RABGAP1: variants seen among roughly 807,000 people sequenced by gnomAD.
RABGAP1 encodes RAB GTPase activating protein 1.
In RABGAP1, 23 loss-of-function variants were observed where a neutral mutation model predicts 137.6. The ratio of observed to expected loss-of-function variants is 0.17; its 90% CI spans 0.12 to 0.24. The LOEUF is 0.24. Among genes scored for constraint, RABGAP1 ranks in the 10% least tolerant of loss-of-function variants. The probability of loss-of-function intolerance (pLI) is 1.00; values close to 1 mark genes in which losing one functional copy is unlikely to be tolerated. For synonymous variants in RABGAP1, 451 were observed against 450.7 expected (o/e 1.00, Z -0.01); for missense variants, 906 against 1,275.8 (o/e 0.71, Z 4.42).
At position 123,035,320 on chromosome 9, in the gene RABGAP1, A is replaced by G. The variant is rs762241602; in HGVS notation, c.1794+14861A>G. ...GGCCTGTCCTGATAAGCGCTATGCC[A>G]TGGTCCTGTTTCGAATCACTAGTGT... On this transcript the variant is annotated intron_variant, in intron 13 of 25. Transcript: ENST00000373647. 1.2e-5 allele frequency: 19 copies of G among 1,614,170 alleles called. No individual in the cohort carries two copies. The South Asian group carries it at 2.0e-4, about 17-fold the overall frequency.
At chr9:123,075,326 A>T (rs1250220578) in intron 17 of RABGAP1, among the ~76,000 whole-genome samples, 2 of 152,138 alleles carry the variant, frequency 1.3e-5, no homozygotes, top group Non-Finnish European at 2.9e-5. Flanking sequence ...GTGTATATTT[A>T]AAAATATGAT....
intron 4 of RABGAP1, 141 bp downstream of exon 4, chr9:122,986,560 C>T (rs1564380345): frequency 3.3e-6 from 3 of 913,128 alleles, no homozygotes; most frequent in East Asian, 5.2e-5. Flanking sequence ...ACTCATGTCT[C>T]CCAAGGACTG....
rs553847451 is a variant in RABGAP1 at position 123,104,201 on chromosome 9, T to C, written c.*988T>C. 1 of 152,720 alleles carries C rather than the reference T, an allele frequency of 6.5e-6. No homozygotes were observed. The highest frequency in any genetic ancestry group is 1.9e-4 in the East Asian group (1 of 5,176). 9.5% of individuals were successfully genotyped at this position (152,720 alleles called of 1,614,324 possible). ...CTCACTTCAAGATTCCTAGTGTTTT[T>C]GCACAACAGGTTGTCCAAGTGAGAA... On this transcript the variant is annotated 3_prime_UTR_variant, in exon 26 of 26. Transcript: ENST00000373647.
chr9:123,079,173 G>C (rs2034617871), intron 19 of RABGAP1, among the ~76,000 whole-genome samples: 1 of 145,370 alleles, frequency 6.9e-6, no homozygotes, highest in African/African-American at 2.6e-5. Context: ...CCCCTTGTTT[G>C]TTTCTTTTTT....
chr9:123,074,524 T>C, intron 17 of RABGAP1, 96 bp downstream of exon 17: 1 of 1,323,272 alleles, frequency 7.6e-7, no homozygotes, highest in South Asian at 1.6e-5. Flanking sequence ...AAAACAGAAT[T>C]GGTCTCTTTA....
intron 13 of RABGAP1, among the ~76,000 whole-genome samples, chr9:123,032,870 T>G (rs2032380451): frequency 6.6e-6 from 1 of 152,242 alleles, no homozygotes; most frequent in Non-Finnish European, 1.5e-5. Flanking sequence ...ATACAAAGGC[T>G]TATTTGTACC....
At chr9:122,965,893 G>A (rs1256527400) in intron 2 of RABGAP1, among the ~76,000 whole-genome samples, 1 of 152,202 alleles carries the variant, frequency 6.6e-6, no homozygotes, top group Non-Finnish European at 1.5e-5. Context: ...AGGGGTAAAT[G>A]TGCTCTGATT....
chr9:122,979,098 A>G (rs1404390520), intron 2 of RABGAP1, among the ~76,000 whole-genome samples: 1 of 151,780 alleles, frequency 6.6e-6, no homozygotes, highest in African/African-American at 2.4e-5. Flanking sequence ...GGGTCTCACC[A>G]TGTTGCCCAG....
At chr9:122,941,915 T>TCC (rs759122538) in intron 1 of RABGAP1, among the ~76,000 whole-genome samples, 1 of 152,252 alleles carries the variant, frequency 6.6e-6, no homozygotes, top group Non-Finnish European at 1.5e-5. Flanking sequence ...ACAAATGTCC[T>TCC]AGGAGACCGT....
At position 122,999,317 on chromosome 9, in the gene RABGAP1, G is replaced by A. The variant is rs1367019307; in HGVS notation, c.1374+551G>A. ...TCCTGCCTCAGCCTCCCGAGTAGCT[G>A]GGACTAAAGTGTATGCCAGCATGCC... On this transcript the variant is annotated intron_variant, in intron 10 of 25. Coordinates refer to ENST00000373647, the MANE Select transcript of RABGAP1 (RefSeq NM_012197.4). Among the ~76,000 whole-genome samples, 8 of 7,000 alleles carry A rather than the reference G, an allele frequency of 1.1e-3. No individual in the cohort carries two copies. The Non-Finnish European group carries it at 0.073, about 64-fold the overall frequency. The allele number at this position is 7,000 out of a possible 152,430, so 4.6% of individuals were successfully genotyped here. A position where few individuals can be genotyped will look rare whatever the true frequency, so the allele number is the denominator to read the frequency against.
chr9:122,965,576 G>A (rs980038610), intron 2 of RABGAP1, among the ~76,000 whole-genome samples: 1 of 152,112 alleles, frequency 6.6e-6, no homozygotes, highest in Admixed American at 6.5e-5. Context: ...TAAAGGTGGG[G>A]TTTCACCATG....
At chr9:123,067,606 T>C (rs1439602466) in intron 14 of RABGAP1, among the ~76,000 whole-genome samples, 1 of 152,230 alleles carries the variant, frequency 6.6e-6, no homozygotes, top group Non-Finnish European at 1.5e-5. Context: ...TGTGCTCTGG[T>C]TGATTCACTT....
intron 13 of RABGAP1, chr9:123,034,376 A>T (rs2032488929): frequency 3.5e-6 from 2 of 579,656 alleles, no homozygotes; most frequent in East Asian, 5.7e-5. Flanking sequence ...TCCTTATTCC[A>T]GGAAGGATTT....
intron 1 of RABGAP1, among the ~76,000 whole-genome samples, chr9:122,954,931 C>T (rs969646958): frequency 1.3e-5 from 2 of 152,154 alleles, no homozygotes; most frequent in Non-Finnish European, 2.9e-5. Context: ...AATTAAAAGG[C>T]ACTCACCATT....
At chr9:122,998,571 T>C in intron 9 of RABGAP1, 26 bp from the exon 10 acceptor site, 1 of 1,481,096 alleles carries the variant, frequency 6.8e-7, no homozygotes, top group Non-Finnish European at 9.2e-7. Context: ...GATTTACCTC[T>C]TCAGCCTCTC....
At chr9:123,076,805 G>A (rs553253870) in intron 19 of RABGAP1, 43 bp downstream of exon 19, 16 of 1,461,014 alleles carry the variant, frequency 1.1e-5, no homozygotes, top group Admixed American at 4.3e-5. Context: ...TTTTCACTTA[G>A]TGTCTCACTA....
chr9:123,027,518 G>A (rs761610442), intron 13 of RABGAP1, among the ~76,000 whole-genome samples: 10 of 152,178 alleles, frequency 6.6e-5, no homozygotes, highest in Non-Finnish European at 1.3e-4. Flanking sequence ...TTATTACTAC[G>A]CAGATTGTTT....
intron 2 of RABGAP1, among the ~76,000 whole-genome samples, chr9:122,978,093 A>G (rs1403156546): frequency 6.6e-6 from 1 of 152,136 alleles, no homozygotes; most frequent in African/African-American, 2.4e-5. Flanking sequence ...TAACAAATGT[A>G]AAGTCTCATG....
At chr9:123,091,503 T>A (rs2035031566) in intron 21 of RABGAP1, among the ~76,000 whole-genome samples, 1 of 152,178 alleles carries the variant, frequency 6.6e-6, no homozygotes, top group Admixed American at 6.5e-5. Flanking sequence ...AGGATGGACC[T>A]GGATTCTAAT....
Sources: allele counts gnomAD v4.1 joint callset (sites outside exome capture counted in the v4.1 genomes callset), GRCh38; gene constraint gnomAD v4.1.1; transcripts MANE v1.5; gene names NCBI Gene and HGNC (gene_info 2026-07-23, HGNC 2026-07-21).